Variants in POMGNT1 observed in about 807,000 individuals in gnomAD.
The protein encoded by POMGNT1 is protein O-linked-mannose beta-1,2-N-acetylglucosaminyltransferase 1.
In POMGNT1, 67 loss-of-function variants were observed where a neutral mutation model predicts 95.6. The ratio of observed to expected loss-of-function variants is 0.70; its 90% confidence interval spans 0.58 to 0.86. The LOEUF (loss-of-function observed/expected upper bound fraction) is 0.86, where lower values mean the gene tolerates loss of function less well. Ranked by LOEUF, POMGNT1 falls within the 40% of genes least tolerant of loss-of-function variation. POMGNT1 has a pLI of 0.00. For synonymous variants in POMGNT1, 298 were observed against 317.9 expected (o/e 0.94, Z 0.66); for missense variants, 719 against 855.2 (o/e 0.84, Z 1.99).
chr1:46,204,832 G>A (rs1371686879), intron 1 of POMGNT1, among the ~76,000 whole-genome samples: 3 of 152,216 alleles, frequency 2.0e-5, no homozygotes, highest in African/African-American at 7.2e-5. Context: ...CCTAGTAAGA[G>A]CCTATCTAGA....
rs374639571 is a variant in POMGNT1 at position 46,192,946 on chromosome 1, C to A, written c.1165G>T (p.Ala389Ser). The change falls in exon 14 of 22, where the codon GCT becomes TCT. Residue 389 changes from alanine (A) to serine (S), a missense_variant. Physicochemically the swap from Ala to Ser is moderately conservative, Grantham distance 99. Transcript: ENST00000371984. ...TCCAGGTCCTCTTCCAGAACCACAG[C>A]AAACTTGGCCTCCTAGAAGGGGAAT... ...TFNLFPEAKF[A>S]VVLEEDLDIA... is the part of the protein sequence containing the mutation. 6.2e-7 allele frequency: 1 copy of A among 1,614,208 alleles called. No homozygotes were observed. Among genetic ancestry groups the A allele is most frequent in the Admixed American group, 1.7e-5 (1 of 60,032 alleles).
chr1:46,198,094 G>A, intron 1 of POMGNT1: 1 of 509,236 alleles, frequency 2.0e-6, no homozygotes, highest in Non-Finnish European at 3.5e-6. Flanking sequence ...AATCAAGGCT[G>A]TCCAAGGGTG....
chr1:46,195,947 T>C, intron 5 of POMGNT1, 23 bp from the exon 6 acceptor site: 1 of 1,614,104 alleles, frequency 6.2e-7, no homozygotes, highest in Non-Finnish European at 8.5e-7. Context: ...ATACTTCTGG[T>C]GAGTTGGTGT....
intron 1 of POMGNT1, chr1:46,198,107 G>A (rs1198859336): frequency 2.1e-6 from 1 of 477,552 alleles, no homozygotes; most frequent in East Asian, 3.9e-5. Context: ...CAAGGGTGGA[G>A]GCCAAATAAT....
At chr1:46,199,339 C>A (rs975124668), upstream of POMGNT1, among the ~76,000 whole-genome samples, 4 of 152,244 alleles carry the variant, frequency 2.6e-5, no homozygotes, top group African/African-American at 9.6e-5. Context: ...GCTCCAGATT[C>A]TGCTCTTAAC....
chr1:46,212,798 C>T (rs1200164626), intron 1 of POMGNT1, among the ~76,000 whole-genome samples: 2 of 151,768 alleles, frequency 1.3e-5, no homozygotes, highest in Non-Finnish European at 2.9e-5. Flanking sequence ...CTCGCTCTGT[C>T]GCCCAGGCTG....
At chr1:46,209,548 T>C (rs1266830795) in intron 1 of POMGNT1, among the ~76,000 whole-genome samples, 48 of 130,762 alleles carry the variant, frequency 3.7e-4, no homozygotes, top group Admixed American at 1.1e-3. Context: ...TTTTTTTTTT[T>C]CTTTTTTTTT....
intron 20 of POMGNT1, 39 bp from the exon 21 acceptor site, chr1:46,189,606 G>A: frequency 6.3e-7 from 1 of 1,583,908 alleles, no homozygotes; most frequent in Non-Finnish European, 8.6e-7. Flanking sequence ...ATGGGTCAGA[G>A]AGCTGTAGGG....
rs386834018 is a variant in POMGNT1, at chr1:46,189,901, G to T, written c.1738C>A (p.Arg580=). The T allele has an allele frequency of 1.2e-5, 20 of 1,613,900 alleles. No homozygotes were observed. Among genetic ancestry groups the T allele is most frequent in the Non-Finnish European group, 1.6e-5 (19 of 1,180,026 alleles). ...GTGAAGTCATCATCTTTCTCCATTC[G>T]AATAAAGGCCACGTAGGTGTGGCCC... ...TEGHTYVAFI[R]MEKDDDFTTW... is the part of the protein sequence containing the mutation. The change falls in exon 20 of 22, where the codon CGA becomes AGA. Residue 580 remains arginine (R), a synonymous_variant. Coordinates refer to ENST00000371984, the MANE Select transcript of POMGNT1 (RefSeq NM_017739.4).
rs1057516477 is a variant in POMGNT1, at chr1:46,196,850, C to A, written c.236-1G>T. ...GGCTCCAGGCGGCCTAGGGCCTCAT[C>A]TGTGGGGTACAACAGGTCATGGAGA... On this transcript the variant is annotated splice_acceptor_variant, in intron 3 of 21. Transcript: ENST00000371984. LOFTEE classifies it high-confidence loss of function. This position sits in a 1 kb window ranked among gnomAD's most constrained non-coding sequence, Gnocchi z 4.4. The A allele has an allele frequency of 1.9e-6, 3 of 1,614,094 alleles. No homozygotes were observed. In the African/African-American group the frequency reaches 4.0e-5, roughly 22 times the overall value.
In POMGNT1 at chr1:46,197,839, C is replaced by G; in HGVS notation, c.-18G>C. The G allele has an allele frequency of 6.2e-7, 1 of 1,613,570 alleles. No homozygotes were observed. The highest frequency in any genetic ancestry group is 8.5e-7 in the Non-Finnish European group (1 of 1,179,990). On this transcript the variant is annotated 5_prime_UTR_variant, in exon 2 of 22. Transcript: ENST00000371984. Reference sequence around the variant, plus strand: ...TCGTCCATACCGGATTGGCGGGTCACCAATGTCCTGGCCAGCCCATGACTT... The same window carrying G: ...TCGTCCATACCGGATTGGCGGGTCAGCAATGTCCTGGCCAGCCCATGACTT...
At chr1:46,212,220 A>G (rs1238832656) in intron 1 of POMGNT1, among the ~76,000 whole-genome samples, 4 of 152,176 alleles carry the variant, frequency 2.6e-5, no homozygotes, top group Non-Finnish European at 5.9e-5. Context: ...GTAAATACAC[A>G]TACACACATA....
Position 46,197,855 on chromosome 1 carries a change from C to A in POMGNT1, c.-34G>T. ...GGCGGGTCACCAATGTCCTGGCCAG[C>A]CCATGACTTCAGGAATCTGAAGGGA... is the stretch of plus-strand genomic sequence containing the variant. On this transcript the variant is annotated 5_prime_UTR_variant, in exon 2 of 22. Transcript: ENST00000371984. 1 of 1,613,058 alleles carries A rather than the reference C, an allele frequency of 6.2e-7. No homozygotes were observed. Among genetic ancestry groups the A allele is most frequent in the Non-Finnish European group, 8.5e-7 (1 of 1,179,898 alleles).
chr1:46,189,513 A>C lies in POMGNT1; in HGVS notation c.1840T>G (p.Leu614Val). 6.2e-7 allele frequency: 1 copy of C among 1,613,664 alleles called. No homozygotes were observed. Among genetic ancestry groups the C allele is most frequent in the South Asian group, 1.1e-5 (1 of 90,928 alleles). Residue 614 changes from leucine to valine, a missense_variant, in exon 21 of 22, where the codon TTG becomes GTG. Transcript: ENST00000371984. ...VRGNHRGLWR[L>V]FRKKNHFLMV... is the part of the protein sequence containing the mutation. ...AGGAAGTGGTTCTTCTTCCGAAACA[A>C]TCTCCACAGGCCCCGATGGTTGCCA... is the stretch of plus-strand genomic sequence containing the variant.
Position 46,193,373 on chromosome 1 carries a change from C to G in POMGNT1, c.1042G>C (p.Val348Leu). Residue 348 changes from valine (V) to leucine (L), a missense_variant, in exon 12 of 22, where the codon GTG becomes CTG. Coordinates refer to ENST00000371984, the MANE Select transcript of POMGNT1 (RefSeq NM_017739.4). ...DGYYEEPMDV[V>L]ALFGLRGIQH... The stretch of plus-strand genomic sequence containing the variant: ...ATGCCCCTCAGACCAAACAGTGCCA[C>G]CACATCCATGGGTTCCTGGGGGACA... The G allele has an allele frequency of 6.2e-7, 1 of 1,612,940 alleles. No homozygotes were observed. The highest frequency in any genetic ancestry group is 8.5e-7 in the Non-Finnish European group (1 of 1,179,518).
Position 46,194,978 on chromosome 1 carries a change from G to A in POMGNT1, c.535-17C>T. On this transcript the variant is annotated splice_polypyrimidine_tract_variant and intron_variant, in intron 6 of 21. Coordinates refer to ENST00000371984, the MANE Select transcript of POMGNT1 (RefSeq NM_017739.4). ...GCCCTCATCCTGGGGGACCAGAGAA[G>A]GCAGTTAGCCTGACTGGCATGGTTC... The A allele has an allele frequency of 6.2e-7, 1 of 1,612,720 alleles. No homozygotes were observed. The highest frequency in any genetic ancestry group is 8.5e-7 in the Non-Finnish European group (1 of 1,178,890).
intron 1 of POMGNT1, among the ~76,000 whole-genome samples, chr1:46,205,284 GGGGAGGAA>G (rs1658676022): frequency 1.3e-5 from 2 of 151,886 alleles, no homozygotes; most frequent in South Asian, 2.1e-4. Context: ...AGGGGAAGAA[GGGGAGGAA>G]GGGAGGAAGG....
chr1:46,205,866 G>A (rs61784560), intron 1 of POMGNT1, among the ~76,000 whole-genome samples: 16,795 of 152,238 alleles, frequency 0.11, 1,247 homozygotes, highest in South Asian at 0.17. Context: ...ATTTGCCTTC[G>A]GGCTACTGAA....
At chr1:46,210,697 G>A (rs1658865484) in intron 1 of POMGNT1, among the ~76,000 whole-genome samples, 2 of 152,240 alleles carry the variant, frequency 1.3e-5, no homozygotes, top group East Asian at 3.9e-4. Flanking sequence ...GAAGGGGTGC[G>A]GAACTTCTGT....
Sources: gnomAD v4.1 joint callset for allele counts (sites outside exome capture counted in the v4.1 genomes callset) on GRCh38, gnomAD v4.1.1 for gene constraint, Gnocchi (gnomAD v3.1) non-coding constraint, MANE v1.5 for transcripts, NCBI Gene and HGNC (gene_info 2026-07-23, HGNC 2026-07-21) for gene names.